Variants in PPFIA3 observed in about 807,000 individuals in gnomAD.
PPFIA3 encodes liprin-alpha-3.
In PPFIA3, 26 loss-of-function variants were observed where a neutral mutation model predicts 145.8. The observed-to-expected ratio is 0.18, with a 90% CI of 0.13 to 0.25. The LOEUF (loss-of-function observed/expected upper bound fraction) is 0.25. Ranked by LOEUF, PPFIA3 falls within the 10% of genes least tolerant of loss-of-function variation. The probability of loss-of-function intolerance (pLI) is 1.00; values close to 1 mark genes in which losing one functional copy is unlikely to be tolerated. For missense variants in PPFIA3, 1,008 were observed against 1,587.8 expected (o/e 0.63, Z 6.21); for synonymous variants, 645 against 661.4 (o/e 0.98, Z 0.38).
At position 49,136,766 on chromosome 19, in the gene PPFIA3, T is replaced by A; in HGVS notation, c.1708T>A (p.Phe570Ile). 1 of 1,580,748 alleles carries A rather than the reference T, an allele frequency of 6.3e-7. No homozygotes were observed. Among genetic ancestry groups the A allele is most frequent in the South Asian group, 1.2e-5 (1 of 86,212 alleles). Residue 570 changes from phenylalanine (F) to isoleucine (I), a missense_variant, in exon 15 of 30, where the codon TTC becomes ATC. Phe to Ile is a conservative substitution (Grantham distance 21). Transcript: ENST00000334186. ...SAPAGSIPPP[F>I]PGELDGSDEE... ...CCCTGCGGGCTCCATACCACCCCCA[T>A]TCCCTGGGGAACTGGACGGCTCCGA... is the stretch of plus-strand genomic sequence containing the variant.
rs1322858035 is a variant in PPFIA3, at chr19:49,128,071, G to A, written c.198G>A (p.Glu66=). The A allele has an allele frequency of 1.7e-5, 27 of 1,590,008 alleles. No homozygotes were observed. The highest frequency in any genetic ancestry group is 1.8e-5 in the Non-Finnish European group (21 of 1,176,182). ...TGCGGCTGCGCGAGCTCGGCCACGA[G>A]AAGGACTCGCTGCAGCGCCAGCTCA... The part of the protein sequence containing the change: ...AQLRLRELGH[E]KDSLQRQLSI... Residue 66 remains glutamate, a synonymous_variant, in exon 2 of 30, where the codon GAG becomes GAA. Transcript: ENST00000334186. The surrounding 1 kb of genome is among the most constrained non-coding windows in gnomAD (Gnocchi z 4.1).
chr19:49,141,645 G>A (rs896082799), intron 19 of PPFIA3, 132 bp downstream of exon 19: 34 of 604,490 alleles, frequency 5.6e-5, no homozygotes, highest in Admixed American at 2.8e-4. Flanking sequence ...TGTGTGCAGC[G>A]GTGGTGGTGG....
chr19:49,120,651 C>G lies in PPFIA3; in HGVS notation c.-16+929C>G, dbSNP rs889624112. 9.2e-5 allele frequency among the ~76,000 whole-genome samples: 14 copies of G among 152,172 alleles called. No homozygotes were observed. Among genetic ancestry groups the G allele is most frequent in the Non-Finnish European group, 1.8e-4 (12 of 68,028 alleles). On this transcript the variant is annotated intron_variant, in intron 1 of 29. Coordinates refer to ENST00000334186, the MANE Select transcript of PPFIA3 (RefSeq NM_003660.4). The surrounding 1 kb of genome is among the most constrained non-coding windows in gnomAD (Gnocchi z 4.6). The stretch of plus-strand genomic sequence containing the variant: ...GCCTCCTGGCACCCAGCATCTGCTC[C>G]CCGAGGGACTCAGGCGCCATGACTC...
chr19:49,125,396 A>G (rs2040984962), intron 1 of PPFIA3: 1 of 152,346 alleles, frequency 6.6e-6, no homozygotes, highest in Admixed American at 6.5e-5. Flanking sequence ...ACTGAGTGAA[A>G]GTCCCTCCTG....
At chr19:49,142,547 C>G (rs1427982690) in intron 20 of PPFIA3, among the ~76,000 whole-genome samples, 2 of 149,962 alleles carry the variant, frequency 1.3e-5, no homozygotes, top group South Asian at 2.2e-4. Flanking sequence ...CTCTCTCTCT[C>G]TCTTTCTCTC....
At chr19:49,135,697 C>T in intron 13 of PPFIA3, 82 bp from the exon 14 acceptor site, 1 of 1,423,106 alleles carries the variant, frequency 7.0e-7, no homozygotes. Flanking sequence ...GGACCCCTGG[C>T]CCTAGGTCTG....
intron 1 of PPFIA3, among the ~76,000 whole-genome samples, chr19:49,121,978 T>C (rs886832960): frequency 6.6e-6 from 1 of 151,996 alleles, no homozygotes; most frequent in African/African-American, 2.4e-5. Context: ...CATTGCTCCA[T>C]GTTCTAGATT....
chr19:49,149,954 G>T lies in PPFIA3; in HGVS notation c.3527-126G>T. 1 of 1,250,148 alleles carries T rather than the reference G, an allele frequency of 8.0e-7. No individual in the cohort carries two copies. 77.4% of individuals were successfully genotyped at this position (1,250,148 alleles called of 1,614,324 possible). ...TTTGAGTCCTTGGCTGCGGGGAAGG[G>T]AGGGAAACCCATGTGGAGCCCGGCG... On this transcript the variant is annotated intron_variant, in intron 28 of 29. Coordinates refer to ENST00000334186, the MANE Select transcript of PPFIA3 (RefSeq NM_003660.4). This position sits in a 1 kb window ranked among gnomAD's most constrained non-coding sequence, Gnocchi z 5.7.
intron 20 of PPFIA3, among the ~76,000 whole-genome samples, 193 bp from the exon 21 acceptor site, chr19:49,142,599 CTCTCCCTATTTG>C (rs2122627678): frequency 8.3e-6 from 1 of 120,366 alleles, no homozygotes; most frequent in Non-Finnish European, 1.7e-5. Flanking sequence ...CCCCCCGTTT[CTCTCCCTATTTG>C]TCTCCCTCGG....
At position 49,133,960 on chromosome 19, in the gene PPFIA3, G is replaced by C; in HGVS notation, c.1246-74G>C. 6.2e-7 allele frequency: 1 copy of C among 1,606,214 alleles called. No homozygotes were observed. Among genetic ancestry groups the C allele is most frequent in the Non-Finnish European group, 8.5e-7 (1 of 1,175,904 alleles). On this transcript the variant is annotated intron_variant, in intron 10 of 29. Coordinates refer to ENST00000334186, the MANE Select transcript of PPFIA3 (RefSeq NM_003660.4). The surrounding 1 kb of genome is among the most constrained non-coding windows in gnomAD (Gnocchi z 7.2). ...AATAAGGAGGCTGGGCTGGGCCCGG[G>C]GGTGGGGCTTAGAGGAAGGGCCGTG... is the stretch of plus-strand genomic sequence containing the variant.
chr19:49,135,761 C>A lies in PPFIA3; in HGVS notation c.1521-18C>A. 6.3e-7 allele frequency: 1 copy of A among 1,598,390 alleles called. No homozygotes were observed. The highest frequency in any genetic ancestry group is 8.5e-7 in the Non-Finnish European group (1 of 1,171,984). ...TTCCTGACCCCTTGGTCTCTGACTGCTTTCCTCATGCCCACAGGTCTCTCC... is the reference window on the plus strand; with the variant it reads ...TTCCTGACCCCTTGGTCTCTGACTGATTTCCTCATGCCCACAGGTCTCTCC... On this transcript the variant is annotated intron_variant, in intron 13 of 29. Transcript: ENST00000334186.
At position 49,149,549 on chromosome 19, in the gene PPFIA3, C is replaced by G; in HGVS notation, c.3357C>G (p.Asp1119Glu). ...SLGTDRRLDE[D>E]SAKSFSRSPS... ...GGCTGTCCGGCTCCTATACCTAGGACAGCGCCAAGTCTTTCAGCCGCTCCC... is the reference window on the plus strand; with the variant it reads ...GGCTGTCCGGCTCCTATACCTAGGAGAGCGCCAAGTCTTTCAGCCGCTCCC... Residue 1119 changes from aspartate to glutamate, a missense_variant and splice_region_variant, in exon 28 of 30, where the codon GAC becomes GAG. This residue lies in a region of PPFIA3 where 125 missense variants were observed against 159.3 expected (regional missense o/e 0.78). Coordinates refer to ENST00000334186, the MANE Select transcript of PPFIA3 (RefSeq NM_003660.4). The surrounding 1 kb of genome is among the most constrained non-coding windows in gnomAD (Gnocchi z 5.7). 6.2e-7 allele frequency: 1 copy of G among 1,614,192 alleles called. No homozygotes were observed. The highest frequency in any genetic ancestry group is 8.5e-7 in the Non-Finnish European group (1 of 1,180,042).
chr19:49,142,218 A>G, intron 20 of PPFIA3, 103 bp downstream of exon 20: 1 of 1,146,164 alleles, frequency 8.7e-7, no homozygotes, highest in Admixed American at 2.3e-5. Flanking sequence ...CTTCTAGCCC[A>G]GAGGTGGGGG....
At chr19:49,122,714 GTT>G (rs200075853) in intron 1 of PPFIA3, among the ~76,000 whole-genome samples, 38,716 of 114,574 alleles carry the variant, frequency 0.34, 5,603 homozygotes, top group South Asian at 0.38. Flanking sequence ...TTGTTTAGTT[GTT>G]TTTTTTTTTT....
At chr19:49,150,193 C>G in intron 29 of PPFIA3, 42 bp downstream of exon 29, 1 of 1,527,786 alleles carries the variant, frequency 6.5e-7, no homozygotes, top group Non-Finnish European at 8.9e-7. Context: ...CGGGGCGGCA[C>G]GGTGGATCTT....
rs540540562 is a variant in PPFIA3, at chr19:49,143,074, A to G, written c.2745+70A>G. On this transcript the variant is annotated intron_variant, in intron 21 of 29. Coordinates refer to ENST00000334186, the MANE Select transcript of PPFIA3 (RefSeq NM_003660.4). ...CCGCCTCTTGCCCTCAGTCTAGCCA[A>G]TCCTGGGCCTGCTCACTCCCCTGTC... is the stretch of plus-strand genomic sequence containing the variant. 42 of 1,522,868 alleles carry G rather than the reference A, an allele frequency of 2.8e-5. No homozygotes were observed. In the Admixed American group the frequency reaches 4.8e-4, roughly 17 times the overall value. The allele number at this position is 1,522,868 out of a possible 1,614,324, so 94.3% of individuals were successfully genotyped here. A position where few individuals can be genotyped will look rare whatever the true frequency, so the allele number is the denominator to read the frequency against.
chr19:49,131,165 CTTTTTT>C (rs74182040), intron 7 of PPFIA3, among the ~76,000 whole-genome samples: 7 of 102,100 alleles, frequency 6.9e-5, no homozygotes, highest in African/African-American at 1.9e-4. Context: ...CACCCAGCCT[CTTTTTT>C]TTTTTTTTTT....
chr19:49,124,256 A>C (rs1334721890), intron 1 of PPFIA3, among the ~76,000 whole-genome samples: 1 of 152,042 alleles, frequency 6.6e-6, no homozygotes, highest in East Asian at 1.9e-4. Context: ...ACAGGGTTTC[A>C]CCATGTTTCC....
rs2041322612 is a variant in PPFIA3 at position 49,149,680 on chromosome 19, G to A, written c.3488G>A (p.Gly1163Asp). 2 of 1,613,238 alleles carry A rather than the reference G, an allele frequency of 1.2e-6. No homozygotes were observed. Among genetic ancestry groups the A allele is most frequent in the Non-Finnish European group, 8.5e-7 (1 of 1,179,520 alleles). ...CGTTCGGCTGCAGCGGGAGCCCTGGGCTCTCCGGGGCTCCCTCTCCGCAAG... is the reference window on the plus strand; with the variant it reads ...CGTTCGGCTGCAGCGGGAGCCCTGGACTCTCCGGGGCTCCCTCTCCGCAAG... Reference protein sequence around the residue: ...NFRSAAAGALGSPGLPLRKLQ... With the variant: ...NFRSAAAGALDSPGLPLRKLQ... Residue 1163 changes from glycine (G) to aspartate (D), a missense_variant, in exon 28 of 30, where the codon GGC becomes GAC. Gly to Asp is a moderately conservative substitution (Grantham distance 94). Coordinates refer to ENST00000334186, the MANE Select transcript of PPFIA3 (RefSeq NM_003660.4). This position sits in a 1 kb window ranked among gnomAD's most constrained non-coding sequence, Gnocchi z 5.7.
Sources: allele counts gnomAD v4.1 joint callset (sites outside exome capture counted in the v4.1 genomes callset), GRCh38; gene constraint gnomAD v4.1.1; regional missense constraint gnomAD v4.1.1; non-coding constraint Gnocchi (gnomAD v3.1); transcripts MANE v1.5; gene names NCBI Gene and HGNC (gene_info 2026-07-23, HGNC 2026-07-21).